The following TOR3A variants were observed in gnomAD, a reference collection of about 807,000 sequenced individuals.
TOR3A encodes torsin family 3 member A, also known as torsin-3A.
TOR3A carries 44 observed loss-of-function variants against 42.1 expected under a neutral mutation model. The ratio of observed to expected loss-of-function variants is 1.04; its 90% CI spans 0.82 to 1.34. The LOEUF is 1.34. Among genes scored for constraint, TOR3A ranks in the 40% most tolerant of loss-of-function variants. TOR3A has a pLI of 0.00. For missense variants in TOR3A, 521 were observed against 507.6 expected (o/e 1.03, Z -0.25); for synonymous variants, 227 against 213.2 (o/e 1.06, Z -0.57).
chr1:179,085,507 G>C (rs1247725992), intron 2 of TOR3A, 121 bp from the exon 3 acceptor site: 2 of 1,264,550 alleles, frequency 1.6e-6, no homozygotes, highest in Admixed American at 2.1e-5. Context: ...AGGCCAAACA[G>C]GAGGAGTAAC....
At chr1:179,094,875 T>C in intron 5 of TOR3A, 93 bp from the exon 6 acceptor site, 1 of 1,279,282 alleles carries the variant, frequency 7.8e-7, no homozygotes, top group Non-Finnish European at 1.1e-6. Context: ...AAGCCCCTGT[T>C]TCAAAGAAAC....
intron 4 of TOR3A, among the ~76,000 whole-genome samples, chr1:179,089,247 G>A (rs1346590767): frequency 6.6e-6 from 1 of 151,834 alleles, no homozygotes; most frequent in African/African-American, 2.4e-5. Flanking sequence ...CTTGAACCTG[G>A]GAGGCAGAGG....
In TOR3A at chr1:179,083,654, C is replaced by T. The variant is rs142272239; in HGVS notation, c.373+601C>T. ...TCGAACTCCTGACCTTGTGATTTGC[C>T]TGCCTTGGCCTCCAAGAGTGCTGTG... On this transcript the variant is annotated intron_variant, in intron 2 of 5. Coordinates refer to ENST00000367627, the MANE Select transcript of TOR3A (RefSeq NM_022371.4). Among the ~76,000 whole-genome samples, 29 of 148,118 alleles carry T rather than the reference C, an allele frequency of 2.0e-4. No homozygotes were observed. In the East Asian group the frequency reaches 5.2e-3, roughly 26 times the overall value.
intron 5 of TOR3A, 72 bp from the exon 6 acceptor site, chr1:179,094,896 C>G: frequency 6.7e-7 from 1 of 1,483,298 alleles, no homozygotes; most frequent in Non-Finnish European, 9.4e-7. Flanking sequence ...CAACAGCAAC[C>G]CCCACCCCCG....
intron 2 of TOR3A, among the ~76,000 whole-genome samples, chr1:179,084,730 C>T (rs1278381033): frequency 6.6e-6 from 1 of 152,196 alleles, no homozygotes; most frequent in Non-Finnish European, 1.5e-5. Context: ...AGAATACCTG[C>T]TCTGGGCTGG....
Position 179,085,787 on chromosome 1 carries a change from G to A in TOR3A, c.533G>A (p.Arg178Gln), listed in dbSNP as rs754219042. 5 of 1,614,198 alleles carry A rather than the reference G, an allele frequency of 3.1e-6. No individual in the cohort carries two copies. The highest frequency in any genetic ancestry group is 1.7e-5 in the Admixed American group (1 of 60,034). ...WSGTGKNFVA[R>Q]MLVENLYRDG... ...GGCACAGGCAAGAACTTCGTGGCACGGATGCTGGTGGAGAACCTGTATCGG... is the reference window on the plus strand; with the variant it reads ...GGCACAGGCAAGAACTTCGTGGCACAGATGCTGGTGGAGAACCTGTATCGG... Residue 178 changes from arginine to glutamine, a missense_variant, in exon 3 of 6, where the codon CGG becomes CAG. Transcript: ENST00000367627.
rs545904114 is a variant in TOR3A at position 179,086,804 on chromosome 1, A to G, written c.639+911A>G. 1.3e-3 allele frequency among the ~76,000 whole-genome samples: 193 copies of G among 152,224 alleles called. 1 individual carries two copies. Among genetic ancestry groups the G allele is most frequent in the African/African-American group, 4.6e-3 (189 of 41,514 alleles). ...TGTTCTGCCATTTTGGGTTTCTTCT[A>G]CTAATTCAGCCATGTAGTATTGAAA... is the stretch of plus-strand genomic sequence containing the variant. On this transcript the variant is annotated intron_variant, in intron 3 of 5. Coordinates refer to ENST00000367627, the MANE Select transcript of TOR3A (RefSeq NM_022371.4).
chr1:179,092,693 T>G (rs1333538351), intron 4 of TOR3A, among the ~76,000 whole-genome samples: 2 of 152,080 alleles, frequency 1.3e-5, no homozygotes, highest in Non-Finnish European at 2.9e-5. Context: ...CTAAAAAAAT[T>G]AGCTGGGCAT....
At chr1:179,082,573 C>T (rs1423845279) in intron 1 of TOR3A, 186 bp downstream of exon 1, 8 of 887,848 alleles carry the variant, frequency 9.0e-6, no homozygotes, top group Non-Finnish European at 1.4e-5. Flanking sequence ...CCGCCCTTGC[C>T]CCACCCGCGT....
chr1:179,087,809 G>GC, intron 3 of TOR3A, 102 bp from the exon 4 acceptor site: 1 of 1,168,686 alleles, frequency 8.6e-7, no homozygotes, highest in Non-Finnish European at 1.2e-6. Flanking sequence ...GGGGAACCCA[G>GC]CCCCAGGGGG....
intron 4 of TOR3A, among the ~76,000 whole-genome samples, chr1:179,092,668 G>A (rs1652622142): frequency 6.6e-6 from 1 of 152,180 alleles, no homozygotes; most frequent in Admixed American, 6.5e-5. Context: ...CCAACATGGT[G>A]AAACCCTGTC....
Position 179,083,063 on chromosome 1 carries a change from C to G in TOR3A, c.373+10C>G. 3 of 1,481,334 alleles carry G rather than the reference C, an allele frequency of 2.0e-6. No individual in the cohort carries two copies. The highest frequency in any genetic ancestry group is 2.7e-6 in the Non-Finnish European group (3 of 1,105,064). The allele number at this position is 1,481,334 out of a possible 1,614,324, so 91.8% of individuals were successfully genotyped here. A position where few individuals can be genotyped will look rare whatever the true frequency, so the allele number is the denominator to read the frequency against. ...TCCAACAACTTTACAGGTTGGACCCCGCATGGCTTCAAGGGGCTAGGGATC... is the reference window on the plus strand; with the variant it reads ...TCCAACAACTTTACAGGTTGGACCCGGCATGGCTTCAAGGGGCTAGGGATC... On this transcript the variant is annotated intron_variant, in intron 2 of 5. Transcript: ENST00000367627.
At chr1:179,084,459 C>T (rs113394631) in intron 2 of TOR3A, among the ~76,000 whole-genome samples, 19,013 of 151,968 alleles carry the variant, frequency 0.13, 1,270 homozygotes, top group East Asian at 0.25. Flanking sequence ...CTCCTGACCT[C>T]GTGATCCGCC....
chr1:179,084,591 CACTT>C (rs1652380218), intron 2 of TOR3A, among the ~76,000 whole-genome samples: 1 of 152,220 alleles, frequency 6.6e-6, no homozygotes, highest in Admixed American at 6.5e-5. Context: ...AAATGTAAAA[CACTT>C]AGCCCAGTTC....
chr1:179,094,159 A>G lies in TOR3A; in HGVS notation c.885A>G (p.Glu295=), dbSNP rs761822166. Residue 295 remains glutamate (E), a synonymous_variant, in exon 5 of 6, where the codon GAA becomes GAG. Coordinates refer to ENST00000367627, the MANE Select transcript of TOR3A (RefSeq NM_022371.4). ...TGCTCAAGGCTGGATGGTCCCGGGAAGAAATTACGATGGAACACCTGGAGC... is the reference window on the plus strand; with the variant it reads ...TGCTCAAGGCTGGATGGTCCCGGGAGGAAATTACGATGGAACACCTGGAGC... ...LKLLKAGWSR[E]EITMEHLEPH... 1.2e-6 allele frequency: 2 copies of G among 1,614,132 alleles called. No homozygotes were observed. Among genetic ancestry groups the G allele is most frequent in the East Asian group, 2.2e-5 (1 of 44,880 alleles).
At chr1:179,092,841 C>CAAAAAAAAAAAAAAAAAAAAAA (rs1349060090) in intron 4 of TOR3A, among the ~76,000 whole-genome samples, 2 of 146,072 alleles carry the variant, frequency 1.4e-5, no homozygotes, top group Non-Finnish European at 3.0e-5. Context: ...AACTCTGTCT[C>CAAAAAAAAAAAAAAAAAAAAAA]AAGAAAAAAA....
At chr1:179,092,155 G>T (rs1174284728) in intron 4 of TOR3A, among the ~76,000 whole-genome samples, 2 of 152,210 alleles carry the variant, frequency 1.3e-5, no homozygotes, top group African/African-American at 4.8e-5. Context: ...AGGGAAGGAC[G>T]CCTGCCCAGC....
chr1:179,090,087 G>A (rs920520520), intron 4 of TOR3A, among the ~76,000 whole-genome samples: 25 of 139,730 alleles, frequency 1.8e-4, no homozygotes, highest in Admixed American at 1.3e-3. Context: ...TGGACTGTCC[G>A]AGGCCATGTG....
rs1652313834 is a variant in TOR3A at position 179,082,401 on chromosome 1, C to T, written c.259+14C>T. Reference sequence around the variant, plus strand: ...CGGGGCCCCTGGGTAAGACCCCGTCCCCACGGTCCGCCGTTCGCTGCGGAG... The same window carrying T: ...CGGGGCCCCTGGGTAAGACCCCGTCTCCACGGTCCGCCGTTCGCTGCGGAG... On this transcript the variant is annotated intron_variant, in intron 1 of 5. Transcript: ENST00000367627. 6.3e-7 allele frequency: 1 copy of T among 1,590,902 alleles called. No homozygotes were observed. The highest frequency in any genetic ancestry group is 1.4e-5 in the African/African-American group (1 of 73,186).
Sources: gnomAD v4.1 joint callset for allele counts (sites outside exome capture counted in the v4.1 genomes callset) on GRCh38, gnomAD v4.1.1 for gene constraint, MANE v1.5 for transcripts, NCBI Gene and HGNC (gene_info 2026-07-23, HGNC 2026-07-21) for gene names.